Variants in DHRS7B observed in about 807,000 individuals in gnomAD.
DHRS7B encodes peroxisomal reductase activating PPAR-gamma.
DHRS7B carries 24 observed loss-of-function variants against 26.4 expected under a neutral mutation model. The observed-to-expected ratio is 0.91, with a 90% CI of 0.66 to 1.28. DHRS7B has a LOEUF of 1.28. Among genes scored for constraint, DHRS7B ranks in the 50% most tolerant of loss-of-function variants. The probability of loss-of-function intolerance (pLI) is 0.00; values close to 1 mark genes in which losing one functional copy is unlikely to be tolerated. For synonymous variants in DHRS7B, 142 were observed against 166.4 expected (o/e 0.85, Z 1.13); for missense variants, 368 against 419.4 (o/e 0.88, Z 1.07).
At chr17:21,136,811 C>T (rs935667905) in intron 1 of DHRS7B, among the ~76,000 whole-genome samples, 4 of 151,988 alleles carry the variant, frequency 2.6e-5, no homozygotes, top group African/African-American at 9.7e-5. Flanking sequence ...CCGTTTCAGC[C>T]TCCCAAAGTG....
At chr17:21,178,655 G>T (rs1974442783) in intron 3 of DHRS7B, among the ~76,000 whole-genome samples, 2 of 134,964 alleles carry the variant, frequency 1.5e-5, no homozygotes, top group Non-Finnish European at 3.2e-5. Flanking sequence ...ACTTTAAAAG[G>T]TGTTTTTTTT....
chr17:21,187,115 A>AAAT (rs1974654862), intron 5 of DHRS7B, among the ~76,000 whole-genome samples: 1 of 143,148 alleles, frequency 7.0e-6, no homozygotes, highest in African/African-American at 2.7e-5. Flanking sequence ...ATATATATAA[A>AAAT]ATATATAAAA....
chr17:21,144,074 A>G (rs932039341), intron 1 of DHRS7B, among the ~76,000 whole-genome samples: 2 of 152,186 alleles, frequency 1.3e-5, no homozygotes, highest in Non-Finnish European at 2.9e-5. Flanking sequence ...GGGCTTTCTC[A>G]TGATCTAATT....
chr17:21,138,066 T>TTTAA (rs71357468), intron 1 of DHRS7B, among the ~76,000 whole-genome samples: 3 of 35,244 alleles, frequency 8.5e-5, no homozygotes, highest in South Asian at 1.4e-3. Flanking sequence ...CGGCCTCTTT[T>TTTAA]AAAAAAAAAA....
chr17:21,166,931 T>C (rs995688922), intron 1 of DHRS7B, among the ~76,000 whole-genome samples: 10 of 152,156 alleles, frequency 6.6e-5, no homozygotes, highest in Non-Finnish European at 1.3e-4. Context: ...CCTTTGATTC[T>C]CAGATGTGGC....
chr17:21,139,675 A>C (rs1435244889), intron 1 of DHRS7B, among the ~76,000 whole-genome samples: 1 of 144,720 alleles, frequency 6.9e-6, no homozygotes, highest in Non-Finnish European at 1.5e-5. Flanking sequence ...ACTCCATCTC[A>C]AAAAAAAAAA....
At chr17:21,140,063 C>T (rs1306073298) in intron 1 of DHRS7B, among the ~76,000 whole-genome samples, 4 of 131,926 alleles carry the variant, frequency 3.0e-5, no homozygotes, top group African/African-American at 5.7e-5. Flanking sequence ...CTCACTCTGT[C>T]GCCCAGGCTG....
At chr17:21,188,355 T>C (rs896473298) in intron 5 of DHRS7B, among the ~76,000 whole-genome samples, 4 of 152,212 alleles carry the variant, frequency 2.6e-5, no homozygotes, top group African/African-American at 7.2e-5. Context: ...CCTGAACCAT[T>C]TGAAAGGAAA....
Position 21,138,075 on chromosome 17 carries a change from A to T in DHRS7B, c.20+11084A>T, listed in dbSNP as rs1259822671. ...GGTGCCCGGCCTCTTTTAAAAAAAA[A>T]ATATATATATATATATATATATATA... is the stretch of plus-strand genomic sequence containing the variant. On this transcript the variant is annotated intron_variant, in intron 1 of 6. Coordinates refer to ENST00000395511, the MANE Select transcript of DHRS7B (RefSeq NM_015510.5). Among the ~76,000 whole-genome samples the T allele has an allele frequency of 4.2e-4, 14 of 33,238 alleles. 1 individual carries two copies. The highest frequency in any genetic ancestry group is 2.2e-3 in the Admixed American group (10 of 4,606). The allele number at this position is 33,238 out of a possible 152,430, so 21.8% of individuals were successfully genotyped here. A position where few individuals can be genotyped will look rare whatever the true frequency, so the allele number is the denominator to read the frequency against.
chr17:21,161,629 A>C (rs1974001920), intron 1 of DHRS7B, among the ~76,000 whole-genome samples: 1 of 152,220 alleles, frequency 6.6e-6, no homozygotes. Flanking sequence ...AGAAATAAGA[A>C]GAGAAGACAT....
intron 1 of DHRS7B, chr17:21,128,560 C>T (rs1973153169): frequency 1.3e-5 from 2 of 152,222 alleles, no homozygotes; most frequent in African/African-American, 2.4e-5. Context: ...ATTGGCTGGG[C>T]TTGGTGGCGG....
At chr17:21,132,568 G>A (rs573468234) in intron 1 of DHRS7B, among the ~76,000 whole-genome samples, 1 of 149,164 alleles carries the variant, frequency 6.7e-6, no homozygotes, top group East Asian at 2.0e-4. Context: ...AAACAGGGAA[G>A]TGAGGTGTAG....
intron 3 of DHRS7B, among the ~76,000 whole-genome samples, chr17:21,180,976 T>C (rs1213058330): frequency 6.6e-6 from 1 of 152,262 alleles, no homozygotes; most frequent in Non-Finnish European, 1.5e-5. Flanking sequence ...CTTTAATTTC[T>C]GTCAGCAGTG....
chr17:21,136,638 G>A (rs1054024758), intron 1 of DHRS7B, among the ~76,000 whole-genome samples: 14 of 151,862 alleles, frequency 9.2e-5, no homozygotes, highest in Admixed American at 6.6e-4. Flanking sequence ...TGCAACCTCC[G>A]CCTCCCAGGT....
intron 6 of DHRS7B, 105 bp from the exon 7 acceptor site, chr17:21,190,843 G>T (rs1974760677): frequency 2.6e-6 from 3 of 1,152,994 alleles, no homozygotes; most frequent in African/African-American, 1.5e-5. Context: ...AGAGCTTCAT[G>T]GTGGGAAAGG....
chr17:21,144,452 A>G (rs1249704561), intron 1 of DHRS7B, among the ~76,000 whole-genome samples: 1 of 152,222 alleles, frequency 6.6e-6, no homozygotes, highest in African/African-American at 2.4e-5. Context: ...CCTTAGTTTA[A>G]GGAATCTAGA....
chr17:21,159,677 G>A (rs1410973507), intron 1 of DHRS7B, among the ~76,000 whole-genome samples: 1 of 151,872 alleles, frequency 6.6e-6, no homozygotes, highest in Non-Finnish European at 1.5e-5. Flanking sequence ...TTTGAGACCA[G>A]CCTGGGCAAG....
intron 1 of DHRS7B, among the ~76,000 whole-genome samples, chr17:21,155,614 G>A (rs536883680): frequency 9.2e-5 from 14 of 152,158 alleles, no homozygotes; most frequent in Admixed American, 4.6e-4. Flanking sequence ...ACTCAACAGC[G>A]GTCAATTGGA....
intron 6 of DHRS7B, among the ~76,000 whole-genome samples, chr17:21,190,547 CA>C (rs1974752905): frequency 6.6e-6 from 1 of 152,190 alleles, no homozygotes. Flanking sequence ...TTCTAATAGG[CA>C]CACGTTTCCC....
Sources: allele counts gnomAD v4.1 joint callset (sites outside exome capture counted in the v4.1 genomes callset), GRCh38; gene constraint gnomAD v4.1.1; transcripts MANE v1.5; gene names NCBI Gene and HGNC (gene_info 2026-07-23, HGNC 2026-07-21).